SHLD1: variants seen among roughly 807,000 people sequenced by gnomAD.
SHLD1 encodes the protein shieldin complex subunit 1, also known as RINN1-REV7-interacting novel NHEJ regulator 3.
Under a neutral mutation model 5.5 loss-of-function variants are expected in SHLD1, and 3 were observed. The observed-to-expected ratio is 0.54, with a 90% CI of 0.25 to 1.40. The LOEUF (loss-of-function observed/expected upper bound fraction) is 1.40. Ranked by LOEUF, SHLD1 falls within the 40% of genes most tolerant of loss-of-function variation. The pLI is 0.15. For synonymous variants in SHLD1, 92 were observed against 94.3 expected, an observed-to-expected ratio of 0.98 and a Z score of 0.14; for missense variants, 210 against 244.4, an observed-to-expected ratio of 0.86 and a Z score of 0.94.
chr20:5,796,538 G>A (rs1041400645), intron 2 of SHLD1, among the ~76,000 whole-genome samples: 2 of 151,920 alleles, frequency 1.3e-5, no homozygotes, highest in Non-Finnish European at 2.9e-5. Flanking sequence ...AGAAAGGGGG[G>A]AGATGAGGCC....
Position 5,863,730 on chromosome 20 carries a change from C to T in SHLD1, c.*267C>T, listed in dbSNP as rs2088194939. 2.4e-6 allele frequency: 1 copy of T among 418,300 alleles called. No individual in the cohort carries two copies. The highest frequency in any genetic ancestry group is 4.1e-5 in the Admixed American group (1 of 24,564). The allele number at this position is 418,300 out of a possible 1,614,324, so 25.9% of individuals were successfully genotyped here. On this transcript the variant is annotated 3_prime_UTR_variant, in exon 3 of 3. Transcript: ENST00000303142. Reference sequence around the variant, plus strand: ...CGAGTCAAAAGCCCAGCTCCCTTGCCTCAAGGAAGGACATTCTCTGAGGAG... The same window carrying T: ...CGAGTCAAAAGCCCAGCTCCCTTGCTTCAAGGAAGGACATTCTCTGAGGAG...
chr20:5,800,277 T>C (rs1451063495), intron 2 of SHLD1, among the ~76,000 whole-genome samples: 1 of 152,268 alleles, frequency 6.6e-6, no homozygotes, highest in Non-Finnish European at 1.5e-5. Flanking sequence ...TTGCTTTTTA[T>C]ACTCCAAGAC....
At chr20:5,807,599 C>G (rs576160512) in intron 2 of SHLD1, among the ~76,000 whole-genome samples, 2 of 152,248 alleles carry the variant, frequency 1.3e-5, no homozygotes, top group East Asian at 3.9e-4. Flanking sequence ...TTGCAAACTT[C>G]CAGGCTAAAG....
At chr20:5,822,191 C>T (rs1027534049) in intron 2 of SHLD1, among the ~76,000 whole-genome samples, 25 of 152,196 alleles carry the variant, frequency 1.6e-4, no homozygotes, top group African/African-American at 6.0e-4. Flanking sequence ...GGCATGGTGG[C>T]TCATGCCTGT....
In SHLD1 at chr20:5,863,740, G is replaced by A; in HGVS notation, c.*277G>A. On this transcript the variant is annotated 3_prime_UTR_variant, in exon 3 of 3. Coordinates refer to ENST00000303142, the MANE Select transcript of SHLD1 (RefSeq NM_152504.4). ...GCCCAGCTCCCTTGCCTCAAGGAAG[G>A]ACATTCTCTGAGGAGTAATTTATGC... is the stretch of plus-strand genomic sequence containing the variant. 1 of 391,442 alleles carries A rather than the reference G, an allele frequency of 2.6e-6. No individual in the cohort carries two copies. The highest frequency in any genetic ancestry group is 4.6e-6 in the Non-Finnish European group (1 of 219,314). The allele number at this position is 391,442 out of a possible 1,614,324, so 24.2% of individuals were successfully genotyped here. A position where few individuals can be genotyped will look rare whatever the true frequency, so the allele number is the denominator to read the frequency against.
chr20:5,830,848 T>C (rs2087721293), intron 2 of SHLD1, among the ~76,000 whole-genome samples: 3 of 152,174 alleles, frequency 2.0e-5, no homozygotes, highest in Admixed American at 2.0e-4. Flanking sequence ...TTGTAAAAGT[T>C]AATAGAGCTT....
chr20:5,857,231 C>T (rs2088100078), intron 2 of SHLD1, among the ~76,000 whole-genome samples: 1 of 152,186 alleles, frequency 6.6e-6, no homozygotes, highest in Non-Finnish European at 1.5e-5. Flanking sequence ...CCGCCTTGGC[C>T]TCCCAAGGTG....
intron 2 of SHLD1, among the ~76,000 whole-genome samples, chr20:5,808,630 G>A (rs916980615): frequency 1.3e-5 from 2 of 152,150 alleles, no homozygotes; most frequent in African/African-American, 4.8e-5. Flanking sequence ...TCTATTGATG[G>A]ATGTTTAGAT....
chr20:5,816,796 G>A (rs368759743), intron 2 of SHLD1, among the ~76,000 whole-genome samples: 87 of 152,300 alleles, frequency 5.7e-4, no homozygotes, highest in African/African-American at 2.0e-3. Flanking sequence ...TAGGCTGGGC[G>A]CAGTAGCTCA....
intron 2 of SHLD1, among the ~76,000 whole-genome samples, chr20:5,820,448 G>A (rs1359678764): frequency 1.3e-5 from 2 of 152,220 alleles, no homozygotes; most frequent in East Asian, 3.8e-4. Flanking sequence ...TGGACACTGT[G>A]CTAGCCCCTG....
At chr20:5,795,702 C>T (rs1016213928) in intron 2 of SHLD1, among the ~76,000 whole-genome samples, 1 of 151,780 alleles carries the variant, frequency 6.6e-6, no homozygotes, top group African/African-American at 2.4e-5. Context: ...CATCTATTGG[C>T]CGGGTGTGGT....
At chr20:5,754,735 C>A (rs1479032498) in intron 1 of SHLD1, among the ~76,000 whole-genome samples, 1 of 152,096 alleles carries the variant, frequency 6.6e-6, no homozygotes, top group African/African-American at 2.4e-5. Flanking sequence ...GTTGCTTTGC[C>A]TGAAGTGTTG....
intron 1 of SHLD1, among the ~76,000 whole-genome samples, chr20:5,755,017 T>C (rs502077): frequency 0.41 from 61,881 of 150,932 alleles, 13,416 homozygotes; most frequent in African/African-American, 0.52. Flanking sequence ...GATCGTGCCA[T>C]TGCACTCCAG....
At chr20:5,843,652 G>A (rs999687540) in intron 2 of SHLD1, among the ~76,000 whole-genome samples, 6 of 152,130 alleles carry the variant, frequency 3.9e-5, no homozygotes, top group African/African-American at 1.4e-4. Flanking sequence ...CTTTTGGTCT[G>A]TACAGGCTTT....
chr20:5,827,987 T>A (rs1426042722), intron 2 of SHLD1, among the ~76,000 whole-genome samples: 1 of 152,248 alleles, frequency 6.6e-6, no homozygotes, highest in African/African-American at 2.4e-5. Context: ...AAAAAATTAG[T>A]TGCATTGAAA....
intron 2 of SHLD1, among the ~76,000 whole-genome samples, chr20:5,839,284 C>T (rs1237384402): frequency 1.3e-5 from 2 of 152,192 alleles, no homozygotes; most frequent in Non-Finnish European, 2.9e-5. Context: ...TAAAAAATAG[C>T]TGACACATTC....
intron 1 of SHLD1, among the ~76,000 whole-genome samples, chr20:5,768,485 A>G (rs1310203736): frequency 6.6e-6 from 1 of 152,166 alleles, no homozygotes; most frequent in Non-Finnish European, 1.5e-5. Flanking sequence ...GGTCACTCCA[A>G]ACTAGGAGGG....
At chr20:5,766,923 G>A (rs139780411) in intron 1 of SHLD1, among the ~76,000 whole-genome samples, 75 of 151,994 alleles carry the variant, frequency 4.9e-4, no homozygotes, top group African/African-American at 1.8e-3. Flanking sequence ...CTTCTTTCAT[G>A]CAAACATATG....
At chr20:5,751,978 T>A (rs1475369735) in intron 1 of SHLD1, among the ~76,000 whole-genome samples, 1 of 152,184 alleles carries the variant, frequency 6.6e-6, no homozygotes, top group African/African-American at 2.4e-5. Context: ...AAGCTTTGTC[T>A]AAAGACTTGA....
Sources: gnomAD v4.1 joint callset for allele counts (sites outside exome capture counted in the v4.1 genomes callset) on GRCh38, gnomAD v4.1.1 for gene constraint, MANE v1.5 for transcripts, NCBI Gene and HGNC (gene_info 2026-07-23, HGNC 2026-07-21) for gene names.